RHPN2: variants seen among roughly 807,000 people sequenced by gnomAD.
The protein encoded by RHPN2 is rhophilin-2.
A neutral mutation model predicts 79.0 loss-of-function variants in RHPN2; 40 were observed. The observed-to-expected ratio is 0.51, with a 90% CI of 0.39 to 0.66. The LOEUF is 0.66. Ranked by LOEUF, RHPN2 falls within the 30% of genes least tolerant of loss-of-function variation. RHPN2 has a pLI of 0.00. For synonymous variants in RHPN2, 285 were observed against 363.5 expected, an observed-to-expected ratio of 0.78 and a Z score of 2.46; for missense variants, 686 against 883.5, an observed-to-expected ratio of 0.78 and a Z score of 2.83.
chr19:33,055,669 G>A (rs1317650888), intron 1 of RHPN2, among the ~76,000 whole-genome samples: 3 of 151,172 alleles, frequency 2.0e-5, no homozygotes, highest in Non-Finnish European at 4.4e-5. Context: ...GATGAATGCT[G>A]CTCATTCATC....
chr19:33,045,635 G>C (rs1036521056), intron 1 of RHPN2, among the ~76,000 whole-genome samples: 1 of 151,308 alleles, frequency 6.6e-6, no homozygotes, highest in East Asian at 2.0e-4. Flanking sequence ...CACCACGCCT[G>C]GCTAATTTTT....
chr19:33,025,981 G>GTTTTTTTTTTTTTTTTTTTTTTTTTT (rs71340523), intron 3 of RHPN2, among the ~76,000 whole-genome samples: 1 of 129,108 alleles, frequency 7.7e-6, no homozygotes. Context: ...GTGTTCATTT[G>GTTTTTTTTTTTTTTTTTTTTTTTTTT]TTTTTTTTTT....
At chr19:33,018,328 CA>C (rs996710250) in intron 4 of RHPN2, among the ~76,000 whole-genome samples, 2 of 145,892 alleles carry the variant, frequency 1.4e-5, no homozygotes, top group Admixed American at 6.9e-5. Flanking sequence ...GACTGTGTCT[CA>C]AAAAAAAAAG....
intron 2 of RHPN2, among the ~76,000 whole-genome samples, chr19:33,032,929 G>T (rs972376227): frequency 2.0e-5 from 3 of 152,114 alleles, no homozygotes; most frequent in Non-Finnish European, 4.4e-5. Flanking sequence ...GCATGCACTA[G>T]CCTTACCTCC....
intron 2 of RHPN2, among the ~76,000 whole-genome samples, chr19:33,036,880 C>CCCG (rs1555713805): frequency 6.6e-6 from 1 of 150,636 alleles, no homozygotes; most frequent in African/African-American, 2.5e-5. Flanking sequence ...GCCCCCCCGC[C>CCCG]ACCCTCTGTG....
At chr19:33,007,308 G>A (rs554372513) in intron 7 of RHPN2, among the ~76,000 whole-genome samples, 24 of 151,646 alleles carry the variant, frequency 1.6e-4, no homozygotes, top group Admixed American at 2.6e-4. Flanking sequence ...CCAGCATGGC[G>A]AAACCCCATT....
rs1599808112 is a variant in RHPN2 at position 32,991,814 on chromosome 19, T to C, written c.1644+9A>G. 4 of 1,613,914 alleles carry C rather than the reference T, an allele frequency of 2.5e-6. No individual in the cohort carries two copies. The highest frequency in any genetic ancestry group is 3.4e-6 in the Non-Finnish European group (4 of 1,179,854). On this transcript the variant is annotated intron_variant, in intron 13 of 14. Coordinates refer to ENST00000254260, the MANE Select transcript of RHPN2 (RefSeq NM_033103.5). The stretch of plus-strand genomic sequence containing the variant: ...TGTTTGCTGCCAATCAAGAAAAGCA[T>C]GTGCTTACCGAGGCAGAGCAGTAAG...
At chr19:32,985,555 T>TA (rs1266190552) in intron 14 of RHPN2, among the ~76,000 whole-genome samples, 1 of 152,110 alleles carries the variant, frequency 6.6e-6, no homozygotes, top group Admixed American at 6.6e-5. Flanking sequence ...GAGGATCACG[T>TA]AAGCCCAAGA....
chr19:32,980,208 T>G lies in RHPN2; in HGVS notation c.1849A>C (p.Met617Leu), dbSNP rs756780863. Reference protein sequence around the residue: ...YSVGMQKTYSMICLAIDDDDK... With the variant: ...YSVGMQKTYSLICLAIDDDDK... Reference sequence around the variant, plus strand: ...TCATCATCAATGGCTAAGCAGATCATGGAGTACGTTTTCTGCATTCCCACG... The same window carrying G: ...TCATCATCAATGGCTAAGCAGATCAGGGAGTACGTTTTCTGCATTCCCACG... The change falls in exon 15 of 15, where the codon ATG becomes CTG. Residue 617 changes from methionine (M) to leucine (L), a missense_variant. Physicochemically the swap from Met to Leu is conservative, Grantham distance 15. Transcript: ENST00000254260. The G allele has an allele frequency of 6.2e-7, 1 of 1,613,856 alleles. No individual in the cohort carries two copies. The highest frequency in any genetic ancestry group is 2.2e-5 in the East Asian group (1 of 44,886).
chr19:32,990,514 C>A lies in RHPN2; in HGVS notation c.1800G>T (p.Met600Ile). The change falls in exon 14 of 15, where the codon ATG becomes ATT. Residue 600 changes from methionine (M) to isoleucine (I), a missense_variant and splice_region_variant. Coordinates refer to ENST00000254260, the MANE Select transcript of RHPN2 (RefSeq NM_033103.5). ...VVSLLDSTSS[M>I]HNKSATYSVG... Reference sequence around the variant, plus strand: ...TGCCCAGGGAGGTGTCAGCGCTCACCATGGATGATGTGGAGTCCAGGAGGC... The same window carrying A: ...TGCCCAGGGAGGTGTCAGCGCTCACAATGGATGATGTGGAGTCCAGGAGGC... 1.2e-6 allele frequency: 2 copies of A among 1,613,774 alleles called. No individual in the cohort carries two copies. Among genetic ancestry groups the A allele is most frequent in the African/African-American group, 2.7e-5 (2 of 75,002 alleles).
intron 12 of RHPN2, among the ~76,000 whole-genome samples, chr19:32,992,777 C>CTCCA (rs1568310410): frequency 6.7e-6 from 1 of 148,866 alleles, no homozygotes; most frequent in Non-Finnish European, 1.5e-5. Context: ...TGCCACTGCA[C>CTCCA]TCCAGCCTGG....
intron 1 of RHPN2, among the ~76,000 whole-genome samples, chr19:33,051,078 G>A (rs1439340115): frequency 6.6e-6 from 1 of 151,636 alleles, no homozygotes; most frequent in Non-Finnish European, 1.5e-5. Flanking sequence ...TGCAACCTCC[G>A]CCTCCTGGAC....
chr19:33,061,675 G>C (rs1265986211), intron 1 of RHPN2, among the ~76,000 whole-genome samples: 3 of 151,956 alleles, frequency 2.0e-5, no homozygotes, highest in Non-Finnish European at 4.4e-5. Context: ...GTAGAGACAG[G>C]GTTTCACCAT....
intron 2 of RHPN2, among the ~76,000 whole-genome samples, chr19:33,040,445 G>T (rs1375136210): frequency 6.6e-6 from 1 of 151,664 alleles, no homozygotes; most frequent in African/African-American, 2.4e-5. Context: ...TCACCATGTT[G>T]GCCAGGATGG....
Position 33,019,907 on chromosome 19 carries a change from C to T in RHPN2, c.390+1664G>A, listed in dbSNP as rs1306691095. On this transcript the variant is annotated intron_variant, in intron 4 of 14. Transcript: ENST00000254260. ...CACCCTGCACCTCATCCCCTTTCCC[C>T]TCCTTGATGGAATTTGGAGGTGACT... Among the ~76,000 whole-genome samples the T allele has an allele frequency of 2.0e-5, 3 of 152,180 alleles. No individual in the cohort carries two copies. In the East Asian group the frequency reaches 5.8e-4, roughly 29 times the overall value.
intron 7 of RHPN2, among the ~76,000 whole-genome samples, chr19:33,007,772 G>T (rs1267909774): frequency 6.9e-6 from 1 of 145,228 alleles, no homozygotes; most frequent in Non-Finnish European, 1.5e-5. Context: ...TTTTTGAGAT[G>T]CAGTCTGGCC....
intron 6 of RHPN2, among the ~76,000 whole-genome samples, chr19:33,009,191 CTA>C (rs1475576132): frequency 1.3e-5 from 2 of 151,896 alleles, no homozygotes; most frequent in African/African-American, 4.8e-5. Context: ...CACTGTCATT[CTA>C]TGTTGGCCAA....
intron 2 of RHPN2, among the ~76,000 whole-genome samples, chr19:33,036,578 G>A (rs1030269275): frequency 6.6e-6 from 1 of 152,174 alleles, no homozygotes; most frequent in Non-Finnish European, 1.5e-5. Flanking sequence ...CACTGTGGGA[G>A]CCCCTTTCTG....
chr19:33,062,707 G>T (rs1194212701), intron 1 of RHPN2, among the ~76,000 whole-genome samples: 1 of 151,380 alleles, frequency 6.6e-6, no homozygotes, highest in African/African-American at 2.4e-5. Flanking sequence ...GGCAGAGGTT[G>T]CAGTGAGCCG....
Sources: allele counts gnomAD v4.1 joint callset (sites outside exome capture counted in the v4.1 genomes callset), GRCh38; gene constraint gnomAD v4.1.1; transcripts MANE v1.5; gene names NCBI Gene and HGNC (gene_info 2026-07-23, HGNC 2026-07-21).